The following KDM5D variants were observed in gnomAD, a reference collection of about 807,000 sequenced individuals.
KDM5D encodes the protein lysine-specific demethylase 5D.
Under a neutral mutation model 31.9 loss-of-function variants are expected in KDM5D, and 25 were observed. The ratio of observed to expected loss-of-function variants is 0.78; its 90% CI spans 0.57 to 1.09. The LOEUF (loss-of-function observed/expected upper bound fraction) is 1.09, where lower values mean the gene tolerates loss of function less well. Among genes scored for constraint, KDM5D ranks in the 50% least tolerant of loss-of-function variants. KDM5D has a pLI of 0.00. For missense variants in KDM5D, 366 were observed against 341.6 expected (o/e 1.07, Z -0.56); for synonymous variants, 146 against 122.3 (o/e 1.19, Z -1.28).
chrY:19,708,226 C>G lies in KDM5D; in HGVS notation c.3261+18G>C. The G allele has an allele frequency of 5.1e-6, 2 of 389,850 alleles. No homozygotes were observed. Among genetic ancestry groups the G allele is most frequent in the Non-Finnish European group, 7.2e-6 (2 of 278,044 alleles). On this transcript the variant is annotated intron_variant, in intron 22 of 26. Transcript: ENST00000317961. ...GCCAGATGAAGAAGAGGCTGTGGGT[C>G]AGGGTCTCAGACCTCACCTCAAGCA... is the stretch of plus-strand genomic sequence containing the variant.
At chrY:19,711,084 C>CA (rs2045294745) in intron 18 of KDM5D, among the ~76,000 whole-genome samples, 1 of 33,204 alleles carries the variant, frequency 3.0e-5, no homozygotes, top group Non-Finnish European at 7.4e-5. Context: ...ATGTCAGAAG[C>CA]AAAATAGTAC....
At chrY:19,709,844 G>A in intron 19 of KDM5D, 35 bp from the exon 20 acceptor site, 1 of 393,501 alleles carries the variant, frequency 2.5e-6, no homozygotes. Context: ...AGATTCTTTA[G>A]CCACATAAAT....
chrY:19,726,466 T>C, intron 11 of KDM5D, among the ~76,000 whole-genome samples: 1 of 33,145 alleles, frequency 3.0e-5, no homozygotes, highest in African/African-American at 1.2e-4. Context: ...AAACACCGTA[T>C]GTGCTCACTC....
intron 13 of KDM5D, among the ~76,000 whole-genome samples, chrY:19,719,557 GT>G (rs2045377962): frequency 3.6e-4 from 12 of 33,431 alleles, no homozygotes; most frequent in Admixed American, 2.7e-4. Context: ...AGAGACCTGT[GT>G]AACACCATCA....
Position 19,704,924 on chromosome Y carries a change from G to A in KDM5D, c.*1071C>T. 3.0e-5 allele frequency: 1 copy of A among 33,738 alleles called. No individual in the cohort carries two copies. The highest frequency in any genetic ancestry group is 1.2e-4 in the African/African-American group (1 of 8,617). The allele number at this position is 33,738 out of a possible 400,897, so 8.4% of individuals were successfully genotyped here. ...ATTGAGGGAGATAACTTGTGTCAGT[G>A]CAACTTAATCAGATTTAGGACACAA... On this transcript the variant is annotated 3_prime_UTR_variant, in exon 27 of 27. Coordinates refer to ENST00000317961, the MANE Select transcript of KDM5D (RefSeq NM_004653.5).
chrY:19,743,637 A>G (rs2045575139), intron 2 of KDM5D, among the ~76,000 whole-genome samples: 1 of 33,382 alleles, frequency 3.0e-5, no homozygotes, highest in African/African-American at 1.2e-4. Flanking sequence ...AACCTAAGCC[A>G]TTATCTCTTC....
Position 19,715,741 on chromosome Y carries a change from T to C in KDM5D, c.2214-2A>G. 2.5e-6 allele frequency: 1 copy of C among 398,159 alleles called. No homozygotes were observed. The highest frequency in any genetic ancestry group is 3.5e-6 in the Non-Finnish European group (1 of 283,364). On this transcript the variant is annotated splice_acceptor_variant, in intron 16 of 26. Coordinates refer to ENST00000317961, the MANE Select transcript of KDM5D (RefSeq NM_004653.5). LOFTEE classifies it high-confidence loss of function. The stretch of plus-strand genomic sequence containing the variant: ...AGCTCATCCAAGGTGTACCGATACC[T>C]AGAGGAAGAAAGCCGGGAAGGGTAC...
chrY:19,710,143 C>T (rs1176256843), intron 19 of KDM5D: 1 of 363,145 alleles, frequency 2.8e-6, no homozygotes, highest in East Asian at 1.1e-4. Flanking sequence ...GAGCCAGTGT[C>T]TTATGTAGGC....
At chrY:19,738,139 C>T (rs2045522153) in intron 6 of KDM5D, among the ~76,000 whole-genome samples, 1 of 33,227 alleles carries the variant, frequency 3.0e-5, no homozygotes, top group Non-Finnish European at 7.4e-5. Context: ...ATTTTTAAAA[C>T]CTTTCCTGCA....
At chrY:19,728,739 A>G (rs1603545938) in intron 11 of KDM5D, among the ~76,000 whole-genome samples, 1 of 33,430 alleles carries the variant, frequency 3.0e-5, no homozygotes, top group Non-Finnish European at 7.4e-5. Flanking sequence ...AGAAAAAATC[A>G]TGTGTGGATA....
rs747040115 is a variant in KDM5D, at chrY:19,741,747, G to A, written c.339C>T (p.Tyr113=). The change falls in exon 4 of 27, where the codon TAC becomes TAT. Residue 113 remains tyrosine, a synonymous_variant. Coordinates refer to ENST00000317961, the MANE Select transcript of KDM5D (RefSeq NM_004653.5). The part of the protein sequence containing the change: ...PNVERKILDL[Y]SLSKIVIEEG... ...AGACTACTCTTACCTTACTAAGGCT[G>A]TAGAGGTCCAAGATCTTCCGCTCCA... 1 of 393,666 alleles carries A rather than the reference G, an allele frequency of 2.5e-6. No individual in the cohort carries two copies. The highest frequency in any genetic ancestry group is 3.0e-5 in the South Asian group (1 of 33,569).
At chrY:19,737,561 A>T (rs2045518900) in intron 6 of KDM5D, among the ~76,000 whole-genome samples, 1 of 33,886 alleles carries the variant, frequency 3.0e-5, no homozygotes, top group Non-Finnish European at 7.3e-5. Context: ...TGTACATTAT[A>T]GATTTTACAT....
chrY:19,733,257 C>A, intron 8 of KDM5D, among the ~76,000 whole-genome samples: 1 of 32,547 alleles, frequency 3.1e-5, no homozygotes, highest in African/African-American at 1.2e-4. Context: ...TGAAAAAAAT[C>A]TAGTAATAAT....
chrY:19,704,407 C>G lies in KDM5D; in HGVS notation c.*1588G>C. The stretch of plus-strand genomic sequence containing the variant: ...TCTCAGGATTTTCTATATATTTTAC[C>G]TGGTCCCTATGGTGTGGTAAGGTAA... On this transcript the variant is annotated 3_prime_UTR_variant, in exon 27 of 27. Transcript: ENST00000317961. The G allele has an allele frequency of 3.0e-5, 1 of 33,023 alleles. No homozygotes were observed. Among genetic ancestry groups the G allele is most frequent in the Admixed American group, 2.8e-4 (1 of 3,606 alleles). 8.2% of individuals were successfully genotyped at this position (33,023 alleles called of 400,897 possible).
In KDM5D at chrY:19,741,771, C is replaced by T; in HGVS notation, c.315G>A (p.Val105=). ...TGTAGAGGTCCAAGATCTTCCGCTC[C>T]ACATTGGGAATCTTTAAAGAGGAGC... ...IQGSSLKIPN[V]ERKILDLYSL... Residue 105 remains valine (V), a synonymous_variant, in exon 4 of 27, where the codon GTG becomes GTA. Coordinates refer to ENST00000317961, the MANE Select transcript of KDM5D (RefSeq NM_004653.5). 1 of 390,491 alleles carries T rather than the reference C, an allele frequency of 2.6e-6. No homozygotes were observed. The highest frequency in any genetic ancestry group is 3.0e-5 in the South Asian group (1 of 33,546).
rs2045462275 is a variant in KDM5D at position 19,730,091 on chromosome Y, T to C, written c.1371+1681A>G. On this transcript the variant is annotated intron_variant, in intron 11 of 26. Coordinates refer to ENST00000317961, the MANE Select transcript of KDM5D (RefSeq NM_004653.5). ...AATCCCAGCATGCAATATTATATAATAGTGAAAAAACAGATAATTTAAAGC... is the reference window on the plus strand; with the variant it reads ...AATCCCAGCATGCAATATTATATAACAGTGAAAAAACAGATAATTTAAAGC... Among the ~76,000 whole-genome samples, 3 of 33,489 alleles carry C rather than the reference T, an allele frequency of 9.0e-5. No individual in the cohort carries two copies. The South Asian group carries it at 1.9e-3, about 22-fold the overall frequency. The allele number at this position is 33,489 out of a possible 37,273, so 89.8% of individuals were successfully genotyped here. A position where few individuals can be genotyped will look rare whatever the true frequency, so the allele number is the denominator to read the frequency against.
rs776986717 is a variant in KDM5D at position 19,715,474 on chromosome Y, C to T, written c.2364G>A (p.Glu788=). 4.5e-5 allele frequency: 18 copies of T among 396,197 alleles called. No individual in the cohort carries two copies. Among genetic ancestry groups the T allele is most frequent in the African/African-American group, 6.5e-5 (1 of 15,404 alleles). The part of the protein sequence containing the change: ...KRSFEELRAL[E]SEARERRFPN... Reference sequence around the variant, plus strand: ...GAAACCTCCTCTCACGAGCCTCAGACTCCAGTGCCCTTAGCTCTTCAAAGC... The same window carrying T: ...GAAACCTCCTCTCACGAGCCTCAGATTCCAGTGCCCTTAGCTCTTCAAAGC... The change falls in exon 18 of 27, where the codon GAG becomes GAA. Residue 788 remains glutamate, a synonymous_variant. Coordinates refer to ENST00000317961, the MANE Select transcript of KDM5D (RefSeq NM_004653.5).
intron 8 of KDM5D, among the ~76,000 whole-genome samples, chrY:19,734,381 T>C (rs771517920): frequency 2.9e-5 from 1 of 33,913 alleles, no homozygotes; most frequent in Non-Finnish European, 7.3e-5. Flanking sequence ...AATAGAACCA[T>C]ATAAATGCAT....
At position 19,706,320 on chromosome Y, in the gene KDM5D, C is replaced by T; in HGVS notation, c.4295G>A (p.Ser1432Asn). 2.5e-6 allele frequency: 1 copy of T among 392,584 alleles called. No individual in the cohort carries two copies. The highest frequency in any genetic ancestry group is 3.6e-6 in the Non-Finnish European group (1 of 280,284). Residue 1432 changes from serine (S) to asparagine (N), a missense_variant, in exon 27 of 27, where the codon AGT becomes AAT. Coordinates refer to ENST00000317961, the MANE Select transcript of KDM5D (RefSeq NM_004653.5). ...LELEKFEHQG[S>N]RTRSRALERR... ...CTCCAGAGCCCGGCTCCTTGTCCGA[C>T]TCCCTTGATGTTCAAATTTTTCCAG...
Sources: allele counts gnomAD v4.1 joint callset (sites outside exome capture counted in the v4.1 genomes callset), GRCh38; gene constraint gnomAD v4.1.1; transcripts MANE v1.5; gene names NCBI Gene and HGNC (gene_info 2026-07-23, HGNC 2026-07-21).